DSCAM: variants seen among roughly 807,000 people sequenced by gnomAD.
DSCAM encodes the protein cell adhesion molecule DSCAM.
DSCAM carries 47 observed loss-of-function variants against 217.7 expected under a neutral mutation model. The observed-to-expected ratio is 0.22, with a 90% confidence interval of 0.17 to 0.28. DSCAM has a LOEUF of 0.28. Among genes scored for constraint, DSCAM ranks in the 10% least tolerant of loss-of-function variants. The pLI, the probability that DSCAM is intolerant of heterozygous loss-of-function variation, is 1.00. For missense variants in DSCAM, 2,080 were observed against 2,618.3 expected, an observed-to-expected ratio of 0.79 and a Z score of 4.49; for synonymous variants, 1,056 against 1,015.3, an observed-to-expected ratio of 1.04 and a Z score of -0.76.
At chr21:40,720,161 AT>A (rs765135329) in intron 1 of DSCAM, among the ~76,000 whole-genome samples, 3 of 152,212 alleles carry the variant, frequency 2.0e-5, no homozygotes, top group Non-Finnish European at 4.4e-5. Context: ...TGGAAATGCC[AT>A]TTGGGTTCAA....
intron 3 of DSCAM, among the ~76,000 whole-genome samples, chr21:40,675,937 T>C (rs2090332558): frequency 6.6e-6 from 1 of 152,200 alleles, no homozygotes; most frequent in Non-Finnish European, 1.5e-5. Flanking sequence ...ATATACTCTA[T>C]AGCCACTATT....
At chr21:40,395,571 G>C (rs2075171486) in intron 3 of DSCAM, among the ~76,000 whole-genome samples, 1 of 151,152 alleles carries the variant, frequency 6.6e-6, no homozygotes, top group Non-Finnish European at 1.5e-5. Flanking sequence ...CGCAAGGAAT[G>C]TATCTTTGAT....
At chr21:40,301,958 G>A (rs952852070) in intron 9 of DSCAM, among the ~76,000 whole-genome samples, 1 of 152,208 alleles carries the variant, frequency 6.6e-6, no homozygotes, top group Non-Finnish European at 1.5e-5. Context: ...TACAGAGCCT[G>A]AGATGGAAGG....
chr21:40,046,405 A>G (rs1306448177), intron 30 of DSCAM, among the ~76,000 whole-genome samples: 2 of 146,316 alleles, frequency 1.4e-5, no homozygotes, highest in African/African-American at 5.0e-5. Flanking sequence ...GCACAATTCC[A>G]CGGAAGACTT....
chr21:40,781,104 G>A (rs762875475), intron 1 of DSCAM, among the ~76,000 whole-genome samples: 1 of 152,048 alleles, frequency 6.6e-6, no homozygotes, highest in African/African-American at 2.4e-5. Flanking sequence ...CACCTCCGGG[G>A]TTCAAGCAAT....
intron 1 of DSCAM, among the ~76,000 whole-genome samples, chr21:40,817,888 A>G (rs1460317304): frequency 1.3e-5 from 2 of 150,898 alleles, no homozygotes; most frequent in African/African-American, 4.9e-5. Flanking sequence ...TGAGGTCAGG[A>G]GATCGAGACC....
intron 27 of DSCAM, among the ~76,000 whole-genome samples, chr21:40,063,661 G>A (rs1393828031): frequency 6.6e-6 from 1 of 152,156 alleles, no homozygotes; most frequent in East Asian, 1.9e-4. Flanking sequence ...TTGATGCTAA[G>A]TATACTGTTC....
chr21:40,691,530 G>A (rs1299800877), intron 3 of DSCAM, among the ~76,000 whole-genome samples: 1 of 152,096 alleles, frequency 6.6e-6, no homozygotes, highest in Non-Finnish European at 1.5e-5. Context: ...TGACCCCTAA[G>A]GAGAGAAGAT....
At chr21:40,065,128 T>G (rs1353798528) in intron 27 of DSCAM, among the ~76,000 whole-genome samples, 1 of 151,234 alleles carries the variant, frequency 6.6e-6, no homozygotes, top group African/African-American at 2.4e-5. Flanking sequence ...CAAGGAGGAG[T>G]TGCAGGGAGT....
chr21:40,725,417 T>C (rs1322139173), intron 1 of DSCAM, among the ~76,000 whole-genome samples: 6 of 152,164 alleles, frequency 3.9e-5, no homozygotes, highest in South Asian at 2.1e-4. Flanking sequence ...CCAGAGGACA[T>C]TGGGGAATAC....
chr21:40,550,669 T>C (rs928408509), intron 3 of DSCAM, among the ~76,000 whole-genome samples: 18 of 152,206 alleles, frequency 1.2e-4, no homozygotes, highest in African/African-American at 7.2e-5. Context: ...AGAGTAGTAG[T>C]AGCTATTAAA....
rs1174840505 is a variant in DSCAM, at chr21:40,692,525, G to A, written c.508+285C>T. On this transcript the variant is annotated intron_variant, in intron 3 of 32. Coordinates refer to ENST00000400454, the MANE Select transcript of DSCAM (RefSeq NM_001389.5). ...TACTACTACCTTGTTTTTAGAAGCA[G>A]ACGTAAAACCACAATTTTCTCAAAA... Among the ~76,000 whole-genome samples the A allele has an allele frequency of 2.0e-5, 3 of 152,172 alleles. No individual in the cohort carries two copies. The South Asian group carries it at 6.2e-4, about 32-fold the overall frequency.
intron 3 of DSCAM, among the ~76,000 whole-genome samples, chr21:40,479,255 T>C (rs2075962439): frequency 6.6e-6 from 1 of 152,224 alleles, no homozygotes; most frequent in Non-Finnish European, 1.5e-5. Context: ...CCATTGGACA[T>C]GAAACTCAGC....
intron 1 of DSCAM, among the ~76,000 whole-genome samples, chr21:40,768,625 T>C (rs1222078242): frequency 6.6e-6 from 1 of 152,194 alleles, no homozygotes; most frequent in Non-Finnish European, 1.5e-5. Context: ...AGGTGTTTGT[T>C]AGTTTTGGTG....
intron 12 of DSCAM, 145 bp downstream of exon 12, chr21:40,188,897 G>T (rs955091770): frequency 2.6e-6 from 2 of 775,556 alleles, no homozygotes; most frequent in Non-Finnish European, 4.1e-6. Context: ...CACTAATCTC[G>T]CTGTGTGAAA....
rs1376392792 is a variant in DSCAM at position 40,620,398 on chromosome 21, A to G, written c.508+72412T>C. Among the ~76,000 whole-genome samples the G allele has an allele frequency of 2.7e-5, 4 of 145,788 alleles. No individual in the cohort carries two copies. In the East Asian group the frequency reaches 8.4e-4, roughly 31 times the overall value. On this transcript the variant is annotated intron_variant, in intron 3 of 32. Transcript: ENST00000400454. ...AGAAAGAAAGAAAGAGAAAGAAAGA[A>G]AGAAAGGAGGGAGGGAGGGAGAGAA...
At chr21:40,189,519 C>T (rs1225320833) in intron 11 of DSCAM, among the ~76,000 whole-genome samples, 1 of 152,098 alleles carries the variant, frequency 6.6e-6, no homozygotes, top group African/African-American at 2.4e-5. Flanking sequence ...CTTAGCACAC[C>T]CAGAATGATT....
intron 27 of DSCAM, among the ~76,000 whole-genome samples, chr21:40,063,640 T>C (rs562735441): frequency 4.6e-5 from 7 of 152,214 alleles, no homozygotes; most frequent in Non-Finnish European, 1.0e-4. Flanking sequence ...TTCATTGCTC[T>C]CTAAAAAGTC....
chr21:40,012,907 C>CTTT lies in DSCAM; in HGVS notation c.*124_*126dup, dbSNP rs11451228. 20,533 of 549,408 alleles carry CTTT rather than the reference C, an allele frequency of 0.037. 172 individuals carry two copies. Among genetic ancestry groups the CTTT allele is most frequent in the African/African-American group, 0.076 (3,753 of 49,304 alleles). 34.0% of individuals were successfully genotyped at this position (549,408 alleles called of 1,614,324 possible). ...ACTGTCTGTGGTTTCAGTATTTTCTCTTTTTTTTTTTTAATATATTTTGGC... is the reference window on the plus strand; with the variant it reads ...ACTGTCTGTGGTTTCAGTATTTTCTCTTTTTTTTTTTTTTTAATATATTTTGGC... On this transcript the variant is annotated 3_prime_UTR_variant, in exon 33 of 33. Coordinates refer to ENST00000400454, the MANE Select transcript of DSCAM (RefSeq NM_001389.5).
Sources: allele counts gnomAD v4.1 joint callset (sites outside exome capture counted in the v4.1 genomes callset), GRCh38; gene constraint gnomAD v4.1.1; transcripts MANE v1.5; gene names NCBI Gene and HGNC (gene_info 2026-07-23, HGNC 2026-07-21).